ASXL3: variants seen among roughly 807,000 people sequenced by gnomAD.
The protein encoded by ASXL3 is putative Polycomb group protein ASXL3.
A neutral mutation model predicts 170.6 loss-of-function variants in ASXL3; 34 were observed. That is an observed-to-expected ratio of 0.20 (90% CI 0.15 to 0.27). The LOEUF is 0.27. ASXL3 is among the 10% of genes least tolerant of loss of function. ASXL3 has a pLI of 1.00. For synonymous variants in ASXL3, 1,002 were observed against 989.1 expected, an observed-to-expected ratio of 1.01 and a Z score of -0.24; for missense variants, 2,592 against 2,695.3, an observed-to-expected ratio of 0.96 and a Z score of 0.85.
rs11877001 is a variant in ASXL3, at chr18:33,672,682, G to A, written c.715+816G>A. Among the ~76,000 whole-genome samples, 1,294 of 152,228 alleles carry A rather than the reference G, an allele frequency of 8.5e-3. 17 individuals are homozygous for A. The highest frequency in any genetic ancestry group is 0.029 in the African/African-American group (1,189 of 41,540). On this transcript the variant is annotated intron_variant, in intron 7 of 11. Coordinates refer to ENST00000269197, the MANE Select transcript of ASXL3 (RefSeq NM_030632.3). Reference sequence around the variant, plus strand: ...GTTTGGCAGAAACTGCAAATTTATTGACGTGAACTTTATTACCTGTTCTGC... The same window carrying A: ...GTTTGGCAGAAACTGCAAATTTATTAACGTGAACTTTATTACCTGTTCTGC...
intron 2 of ASXL3, among the ~76,000 whole-genome samples, chr18:33,638,338 C>T (rs145696222): frequency 3.3e-5 from 5 of 152,070 alleles, no homozygotes; most frequent in Non-Finnish European, 5.9e-5. Context: ...GTTGGGATTA[C>T]GGGCATCAGC....
At position 33,746,262 on chromosome 18, in the gene ASXL3, T is replaced by G. The variant is rs1377283007; in HGVS notation, c.6414T>G (p.Ala2138=). ...SEPQKPFTQL[A]AQKMQVQQQQ... Reference sequence around the variant, plus strand: ...CACAAAAGCCTTTTACCCAATTAGCTGCTCAGAAAATGCAGGTGCAGCAAC... The same window carrying G: ...CACAAAAGCCTTTTACCCAATTAGCGGCTCAGAAAATGCAGGTGCAGCAAC... Residue 2138 remains alanine, a synonymous_variant, in exon 12 of 12, where the codon GCT becomes GCG. Transcript: ENST00000269197. 1 of 1,613,984 alleles carries G rather than the reference T, an allele frequency of 6.2e-7. No homozygotes were observed. Among genetic ancestry groups the G allele is most frequent in the Non-Finnish European group, 8.5e-7 (1 of 1,179,898 alleles).
intron 2 of ASXL3, among the ~76,000 whole-genome samples, chr18:33,633,679 T>TA (rs1235712433): frequency 1.3e-5 from 2 of 151,574 alleles, no homozygotes; most frequent in Admixed American, 6.6e-5. Context: ...CTGTCTCTAC[T>TA]AAAATACAAA....
chr18:33,672,602 T>C (rs2066361235), intron 7 of ASXL3, among the ~76,000 whole-genome samples: 1 of 152,204 alleles, frequency 6.6e-6, no homozygotes, highest in Admixed American at 6.5e-5. Context: ...TGAGTTGTTT[T>C]AGCTGTGAAT....
intron 2 of ASXL3, among the ~76,000 whole-genome samples, chr18:33,629,322 A>C (rs1264719873): frequency 6.6e-6 from 1 of 152,138 alleles, no homozygotes; most frequent in African/African-American, 2.4e-5. Flanking sequence ...AAAGACCAAG[A>C]ACATTAATTC....
chr18:33,637,073 A>G (rs1185743276), intron 2 of ASXL3, among the ~76,000 whole-genome samples: 1 of 152,150 alleles, frequency 6.6e-6, no homozygotes, highest in Non-Finnish European at 1.5e-5. Context: ...GAATTTATAC[A>G]GGGAAAATAA....
At position 33,739,849 on chromosome 18, in the gene ASXL3, T is replaced by C; in HGVS notation, c.2445T>C (p.Ser815=). The C allele has an allele frequency of 6.2e-7, 1 of 1,613,898 alleles. No individual in the cohort carries two copies. The highest frequency in any genetic ancestry group is 8.5e-7 in the Non-Finnish European group (1 of 1,179,852). The change falls in exon 11 of 12, where the codon TCT becomes TCC. Residue 815 remains serine (S), a synonymous_variant. Transcript: ENST00000269197. ...SNTPEPIIMS[S]SSIAPEAFPS... ...CTCCCGAACCCATCATAATGAGTTC[T>C]TCTTCCATTGCTCCTGAAGCATTTC...
At chr18:33,634,991 C>A (rs1215818019) in intron 2 of ASXL3, among the ~76,000 whole-genome samples, 1 of 152,002 alleles carries the variant, frequency 6.6e-6, no homozygotes, top group African/African-American at 2.4e-5. Flanking sequence ...TTGTGGACTG[C>A]AGAGGTGATT....
intron 4 of ASXL3, among the ~76,000 whole-genome samples, chr18:33,647,594 G>A (rs2065934839): frequency 6.6e-6 from 1 of 151,962 alleles, no homozygotes; most frequent in Non-Finnish European, 1.5e-5. Context: ...TTCCCTTTCA[G>A]GAGGGTGAAG....
intron 2 of ASXL3, among the ~76,000 whole-genome samples, chr18:33,621,303 T>G (rs1055719774): frequency 6.6e-6 from 1 of 152,262 alleles, no homozygotes; most frequent in Non-Finnish European, 1.5e-5. Flanking sequence ...AAAAGTATAT[T>G]CAAAAGTAAG....
intron 7 of ASXL3, 29 bp downstream of exon 7, chr18:33,671,895 AC>A (rs1599474356): frequency 1.4e-6 from 2 of 1,465,098 alleles, no homozygotes; most frequent in East Asian, 2.5e-5. Context: ...ATGCCATTTC[AC>A]ATTTTAGAAA....
chr18:33,627,986 A>T (rs1395265289), intron 2 of ASXL3, among the ~76,000 whole-genome samples: 1 of 152,180 alleles, frequency 6.6e-6, no homozygotes, highest in South Asian at 2.1e-4. Context: ...GAAAACACAG[A>T]TGTATGTGTC....
chr18:33,688,288 T>C (rs2145297275), intron 8 of ASXL3, among the ~76,000 whole-genome samples: 1 of 152,286 alleles, frequency 6.6e-6, no homozygotes, highest in Non-Finnish European at 1.5e-5. Context: ...AAAATCTGTT[T>C]TTTAGAAGTT....
chr18:33,643,060 A>G (rs1334534394), intron 2 of ASXL3, among the ~76,000 whole-genome samples: 5 of 151,798 alleles, frequency 3.3e-5, no homozygotes, highest in Non-Finnish European at 7.4e-5. Context: ...ATTGGATTCT[A>G]TTTTACTTGT....
chr18:33,652,896 GAC>G (rs766118573), intron 4 of ASXL3, among the ~76,000 whole-genome samples: 16 of 152,034 alleles, frequency 1.1e-4, no homozygotes, highest in Non-Finnish European at 1.9e-4. Context: ...TCTCAATTGA[GAC>G]ATCAGTTACA....
intron 1 of ASXL3, among the ~76,000 whole-genome samples, chr18:33,596,577 C>G (rs995954836): frequency 6.6e-6 from 1 of 152,154 alleles, no homozygotes; most frequent in African/African-American, 2.4e-5. Context: ...TTTCTTCTGG[C>G]AGATACATCT....
chr18:33,713,343 C>CT (rs1568343709), intron 8 of ASXL3, among the ~76,000 whole-genome samples: 4 of 79,184 alleles, frequency 5.1e-5, no homozygotes. Flanking sequence ...CAACCTCCAC[C>CT]CCCCCCCGGG....
rs1160256570 is a variant in ASXL3 at position 33,750,831 on chromosome 18, G to A, written c.*4236G>A. 1 of 152,180 alleles carries A rather than the reference G, an allele frequency of 6.6e-6. No individual in the cohort carries two copies. The highest frequency in any genetic ancestry group is 1.5e-5 in the Non-Finnish European group (1 of 68,036). 9.4% of individuals were successfully genotyped at this position (152,180 alleles called of 1,614,324 possible). Reference sequence around the variant, plus strand: ...TTCCCACAGGAAAAACTCAGAAAAGGTGTGTAAAATCCTCAGAAGGGGGAG... The same window carrying A: ...TTCCCACAGGAAAAACTCAGAAAAGATGTGTAAAATCCTCAGAAGGGGGAG... On this transcript the variant is annotated 3_prime_UTR_variant, in exon 12 of 12. Transcript: ENST00000269197.
chr18:33,712,978 C>G (rs1382177515), intron 8 of ASXL3, among the ~76,000 whole-genome samples: 1 of 152,062 alleles, frequency 6.6e-6, no homozygotes, highest in East Asian at 1.9e-4. Context: ...GTGGTTGAAG[C>G]TGGCTCATCC....
Sources: allele counts gnomAD v4.1 joint callset (sites outside exome capture counted in the v4.1 genomes callset), GRCh38; gene constraint gnomAD v4.1.1; transcripts MANE v1.5; gene names NCBI Gene and HGNC (gene_info 2026-07-23, HGNC 2026-07-21).